COL23A1: variants seen among roughly 807,000 people sequenced by gnomAD.
The protein encoded by COL23A1 is collagen alpha-1(XXIII) chain.
COL23A1 carries 97 observed loss-of-function variants against 99.3 expected under a neutral mutation model. The ratio of observed to expected loss-of-function variants is 0.98; its 90% CI spans 0.83 to 1.16. The LOEUF (loss-of-function observed/expected upper bound fraction) is 1.16. Ranked by LOEUF, COL23A1 falls within the 50% of genes most tolerant of loss-of-function variation. The probability of loss-of-function intolerance (pLI) is 0.00; values close to 1 mark genes in which losing one functional copy is unlikely to be tolerated. For synonymous variants in COL23A1, 320 were observed against 308.2 expected, an observed-to-expected ratio of 1.04 and a Z score of -0.40; for missense variants, 762 against 757.4, an observed-to-expected ratio of 1.01 and a Z score of -0.07.
chr5:178,266,774 G>A (rs145092493), intron 8 of COL23A1, among the ~76,000 whole-genome samples: 32 of 152,340 alleles, frequency 2.1e-4, no homozygotes, highest in African/African-American at 7.0e-4. Flanking sequence ...GCAGGCGCCC[G>A]GCCAGCTCTG....
At chr5:178,532,587 T>A (rs186717151) in intron 2 of COL23A1, among the ~76,000 whole-genome samples, 64 of 152,150 alleles carry the variant, frequency 4.2e-4, no homozygotes, top group Admixed American at 1.6e-3. Context: ...GGAAACTGAG[T>A]CTTGAGGCAT....
chr5:178,461,098 C>A (rs141513043), intron 2 of COL23A1, among the ~76,000 whole-genome samples: 8 of 152,296 alleles, frequency 5.3e-5, no homozygotes, highest in Admixed American at 3.3e-4. Context: ...GGGACTTCCA[C>A]GAAATTGTGC....
At chr5:178,380,252 TG>T (rs1009439387) in intron 2 of COL23A1, among the ~76,000 whole-genome samples, 13 of 152,156 alleles carry the variant, frequency 8.5e-5, no homozygotes, top group Non-Finnish European at 8.8e-5. Flanking sequence ...CAGAACCTGC[TG>T]GGGGGGACTG....
chr5:178,258,198 C>T (rs1285384638), intron 12 of COL23A1, among the ~76,000 whole-genome samples: 1 of 146,630 alleles, frequency 6.8e-6, no homozygotes, highest in African/African-American at 2.5e-5. Context: ...CATGCCACTG[C>T]ATCACAGCTT....
intron 3 of COL23A1, among the ~76,000 whole-genome samples, chr5:178,301,484 T>A (rs1450660732): frequency 6.6e-6 from 1 of 152,240 alleles, no homozygotes; most frequent in African/African-American, 2.4e-5. Context: ...CTGCCCTACT[T>A]TCCTGTCTTC....
At chr5:178,506,814 GA>G (rs1187800310) in intron 2 of COL23A1, among the ~76,000 whole-genome samples, 1 of 152,094 alleles carries the variant, frequency 6.6e-6, no homozygotes, top group African/African-American at 2.4e-5. Context: ...TGAGACTACT[GA>G]ACACAGTTTA....
intron 2 of COL23A1, among the ~76,000 whole-genome samples, chr5:178,479,128 G>T (rs1483940949): frequency 6.9e-6 from 1 of 145,834 alleles, no homozygotes; most frequent in African/African-American, 2.5e-5. Context: ...GATGATGACC[G>T]TGGTAATGAC....
intron 2 of COL23A1, among the ~76,000 whole-genome samples, chr5:178,479,152 C>A (rs567942006): frequency 1.1e-4 from 17 of 152,252 alleles, no homozygotes; most frequent in African/African-American, 2.9e-4. Context: ...AGCCAACACT[C>A]ACAGATACTT....
intron 2 of COL23A1, chr5:178,378,260 GA>G (rs1263156765): frequency 6.6e-6 from 1 of 152,166 alleles, no homozygotes; most frequent in Non-Finnish European, 1.5e-5. Flanking sequence ...TCTCCAAGGG[GA>G]TAACAGGCCC....
chr5:178,530,664 C>T (rs1760595093), intron 2 of COL23A1, among the ~76,000 whole-genome samples: 2 of 152,084 alleles, frequency 1.3e-5, no homozygotes, highest in East Asian at 3.9e-4. Flanking sequence ...AGACCAAAGA[C>T]CAGGTGTAGA....
At chr5:178,541,734 T>C (rs1391660197) in intron 2 of COL23A1, among the ~76,000 whole-genome samples, 1 of 152,216 alleles carries the variant, frequency 6.6e-6, no homozygotes, top group Non-Finnish European at 1.5e-5. Flanking sequence ...AACTGGTTAC[T>C]ACCCAAATGC....
chr5:178,498,061 A>ATT (rs1478157075), intron 2 of COL23A1, among the ~76,000 whole-genome samples: 1 of 151,234 alleles, frequency 6.6e-6, no homozygotes, highest in African/African-American at 2.4e-5. Context: ...AAGACAAAGA[A>ATT]AAGATCTTAA....
At chr5:178,371,810 G>A (rs1408327681) in intron 2 of COL23A1, among the ~76,000 whole-genome samples, 2 of 152,200 alleles carry the variant, frequency 1.3e-5, no homozygotes, top group Admixed American at 6.5e-5. Flanking sequence ...GGGGCTCCAC[G>A]GAGTGAATCT....
At chr5:178,311,065 C>G (rs1758643037) in intron 2 of COL23A1, among the ~76,000 whole-genome samples, 1 of 152,014 alleles carries the variant, frequency 6.6e-6, no homozygotes, top group Non-Finnish European at 1.5e-5. Context: ...GGGAGAAGGC[C>G]ACTGTCCCCC....
At chr5:178,546,784 G>A (rs1308545296) in intron 2 of COL23A1, among the ~76,000 whole-genome samples, 1 of 152,160 alleles carries the variant, frequency 6.6e-6, no homozygotes, top group Non-Finnish European at 1.5e-5. Context: ...AGCCCCACAA[G>A]GACAGAAGGC....
At chr5:178,494,972 A>C (rs547246422) in intron 2 of COL23A1, among the ~76,000 whole-genome samples, 5 of 152,204 alleles carry the variant, frequency 3.3e-5, no homozygotes, top group Non-Finnish European at 7.3e-5. Context: ...GTGAGGGTAC[A>C]GAGTTTTCAG....
intron 26 of COL23A1, 98 bp downstream of exon 26, chr5:178,242,243 C>G: frequency 3.4e-6 from 5 of 1,486,112 alleles, no homozygotes; most frequent in Non-Finnish European, 4.6e-6. Flanking sequence ...CCCACCTGCC[C>G]GGCCTGGGTT....
At chr5:178,358,316 ATGTG>A (rs775565127) in intron 2 of COL23A1, among the ~76,000 whole-genome samples, 2 of 131,524 alleles carry the variant, frequency 1.5e-5, no homozygotes, top group African/African-American at 6.8e-5. Flanking sequence ...ATGTGTGTGT[ATGTG>A]TATGTGTATG....
chr5:178,447,899 T>C lies in COL23A1; in HGVS notation c.361+112783A>G, dbSNP rs552279517. ...GTTTAAAGGGGCTGACTCCCGTTTC[T>C]GGTTGGGGCAATGAGCTGATAATGA... On this transcript the variant is annotated intron_variant, in intron 2 of 28. Coordinates refer to ENST00000390654, the MANE Select transcript of COL23A1 (RefSeq NM_173465.4). 1.6e-3 allele frequency among the ~76,000 whole-genome samples: 248 copies of C among 152,192 alleles called. 1 individual carries two copies. Among genetic ancestry groups the C allele is most frequent in the Non-Finnish European group, 2.8e-3 (188 of 68,028 alleles).
Sources: gnomAD v4.1 joint callset for allele counts (sites outside exome capture counted in the v4.1 genomes callset) on GRCh38, gnomAD v4.1.1 for gene constraint, MANE v1.5 for transcripts, NCBI Gene and HGNC (gene_info 2026-07-23, HGNC 2026-07-21) for gene names.